Variants in SUCLG1 observed in about 807,000 individuals in gnomAD.
SUCLG1 encodes succinate-CoA ligase GDP/ADP-forming subunit alpha, also known as succinate--CoA ligase [ADP/GDP-forming] subunit alpha, mitochondrial.
SUCLG1 carries 26 observed loss-of-function variants against 37.3 expected under a neutral mutation model. The ratio of observed to expected loss-of-function variants is 0.70; its 90% CI spans 0.51 to 0.97. The LOEUF is 0.97. Among genes scored for constraint, SUCLG1 ranks in the 50% least tolerant of loss-of-function variants. SUCLG1 has a pLI of 0.00. For missense variants in SUCLG1, 433 were observed against 432.9 expected, an observed-to-expected ratio of 1.00 and a Z score of 0.00; for synonymous variants, 163 against 155.6, an observed-to-expected ratio of 1.05 and a Z score of -0.36.
intron 7 of SUCLG1, among the ~76,000 whole-genome samples, chr2:84,429,346 C>T (rs1041456192): frequency 1.3e-5 from 2 of 152,110 alleles, no homozygotes; most frequent in Non-Finnish European, 2.9e-5. Context: ...CAGCACAATG[C>T]TGTATTAACC....
rs1672639529 is a variant in SUCLG1, at chr2:84,433,433, T to C, written c.592A>G (p.Ile198Val). The change falls in exon 6 of 9, where the codon ATT (isoleucine) becomes GTT (valine). Residue 198 changes from isoleucine (I) to valine (V), a missense_variant and splice_region_variant. Ile to Val is a conservative substitution (Grantham distance 29). Transcript: ENST00000393868. ...GTCAGGGTGCCAGATCTGGACACAA[T>C]GCCTTAACGAAAGAGAATTCAAAAA... is the stretch of plus-strand genomic sequence containing the variant. ...GHIHKKGRIG[I>V]VSRSGTLTYE... is the part of the protein sequence containing the mutation. 1.9e-6 allele frequency: 3 copies of C among 1,613,592 alleles called. No individual in the cohort carries two copies. Among genetic ancestry groups the C allele is most frequent in the Middle Eastern group, 1.6e-4 (1 of 6,062 alleles).
intron 5 of SUCLG1, 117 bp from the exon 6 acceptor site, chr2:84,433,552 A>C (rs1416794217): frequency 1.2e-6 from 1 of 840,934 alleles, no homozygotes; most frequent in African/African-American, 1.7e-5. Context: ...TCATTCCATG[A>C]TTTGCCATCA....
Position 84,451,275 on chromosome 2 carries a change from GC to G in SUCLG1, c.98-1524del, listed in dbSNP as rs1672936490. Among the ~76,000 whole-genome samples, 4 of 148,924 alleles carry G rather than the reference GC, an allele frequency of 2.7e-5. No individual in the cohort carries two copies. In the East Asian group the frequency reaches 7.8e-4, roughly 29 times the overall value. On this transcript the variant is annotated intron_variant, in intron 1 of 8. Coordinates refer to ENST00000393868, the MANE Select transcript of SUCLG1 (RefSeq NM_003849.4). ...CCCTCCCATTGCATCTTCAACAAAT[GC>G]TCATATCATATCATATCATATCATA... is the stretch of plus-strand genomic sequence containing the variant.
At chr2:84,452,916 T>C (rs1363577656) in intron 1 of SUCLG1, among the ~76,000 whole-genome samples, 2 of 152,108 alleles carry the variant, frequency 1.3e-5, no homozygotes, top group Non-Finnish European at 2.9e-5. Flanking sequence ...TTTCGGTGAG[T>C]TGGAAAAAGT....
At chr2:84,425,737 A>G (rs1672528188) in intron 7 of SUCLG1, 134 bp from the exon 8 acceptor site, 13 of 953,834 alleles carry the variant, frequency 1.4e-5, no homozygotes, top group Admixed American at 2.0e-5. Flanking sequence ...AGGAAAACCA[A>G]CACAAATATT....
intron 1 of SUCLG1, among the ~76,000 whole-genome samples, chr2:84,457,970 A>G (rs1425318302): frequency 1.3e-5 from 2 of 152,008 alleles, no homozygotes; most frequent in Non-Finnish European, 2.9e-5. Context: ...ACACTCATCA[A>G]TGTACACTTT....
chr2:84,440,380 T>C (rs1672749504), intron 5 of SUCLG1, among the ~76,000 whole-genome samples: 1 of 151,590 alleles, frequency 6.6e-6, no homozygotes, highest in Non-Finnish European at 1.5e-5. Context: ...CTCAAAAAAA[T>C]GAAGACTAAC....
intron 6 of SUCLG1, 73 bp downstream of exon 6, chr2:84,433,279 C>A (rs1208205102): frequency 1.5e-5 from 19 of 1,240,030 alleles, no homozygotes; most frequent in Non-Finnish European, 2.1e-5. Context: ...ATAATAAAAT[C>A]AATAATTATT....
At position 84,456,317 on chromosome 2, in the gene SUCLG1, C is replaced by T. The variant is rs7561831; in HGVS notation, c.97+2856G>A. On this transcript the variant is annotated intron_variant, in intron 1 of 8. Coordinates refer to ENST00000393868, the MANE Select transcript of SUCLG1 (RefSeq NM_003849.4). ...GAAAGGATACTGCAGAGTCAGAAGA[C>T]CTGGGTGCTAGTATCACTTCTGATA... Among the ~76,000 whole-genome samples the T allele has an allele frequency of 2.1e-3, 327 of 152,220 alleles. 4 individuals are homozygous for T. The highest frequency in any genetic ancestry group is 7.6e-3 in the African/African-American group (317 of 41,508).
chr2:84,459,119 C>G (rs1247845079), intron 1 of SUCLG1, 54 bp downstream of exon 1: 2 of 1,509,662 alleles, frequency 1.3e-6, no homozygotes, highest in African/African-American at 2.8e-5. Flanking sequence ...GAGGTTGGGT[C>G]CGGCGGGGCC....
At position 84,434,715 on chromosome 2, in the gene SUCLG1, T is replaced by G. The variant is rs1672659779; in HGVS notation, c.590-1280A>C. On this transcript the variant is annotated intron_variant, in intron 5 of 8. Transcript: ENST00000393868. ...ACCCTACCAGGGCAGGTAGAATTCT[T>G]GTCAACCTGAGACAAAAACCATAAC... Among the ~76,000 whole-genome samples, 3 of 151,838 alleles carry G rather than the reference T, an allele frequency of 2.0e-5. No individual in the cohort carries two copies. In the South Asian group the frequency reaches 6.2e-4, roughly 32 times the overall value.
chr2:84,450,334 G>A (rs951771474), intron 1 of SUCLG1, among the ~76,000 whole-genome samples: 13 of 147,186 alleles, frequency 8.8e-5, no homozygotes, highest in South Asian at 6.6e-4. Context: ...AATCTCTTCT[G>A]ATATGAACTC....
chr2:84,429,521 G>C (rs1241627133), intron 7 of SUCLG1, among the ~76,000 whole-genome samples: 4 of 152,240 alleles, frequency 2.6e-5, no homozygotes, highest in Admixed American at 2.6e-4. Flanking sequence ...GCAGGGCACT[G>C]AAGTTAACAG....
chr2:84,445,258 GTTC>G (rs1006642667), intron 2 of SUCLG1, among the ~76,000 whole-genome samples: 4 of 152,132 alleles, frequency 2.6e-5, no homozygotes, highest in African/African-American at 9.7e-5. Flanking sequence ...CACAATTTAT[GTTC>G]TTCTGCCGTG....
At chr2:84,448,850 ATAAT>A (rs1330385009) in intron 2 of SUCLG1, 1 of 238,274 alleles carries the variant, frequency 4.2e-6, no homozygotes, top group Non-Finnish European at 8.8e-6. Flanking sequence ...ATAATTCTAT[ATAAT>A]AAATACTACA....
At chr2:84,437,160 T>C (rs1401490638) in intron 5 of SUCLG1, among the ~76,000 whole-genome samples, 2 of 152,210 alleles carry the variant, frequency 1.3e-5, no homozygotes, top group African/African-American at 4.8e-5. Context: ...TTGAGAAGAT[T>C]AGGTGGATAA....
At chr2:84,457,320 T>C (rs1673037979) in intron 1 of SUCLG1, among the ~76,000 whole-genome samples, 1 of 152,322 alleles carries the variant, frequency 6.6e-6, no homozygotes, top group East Asian at 1.9e-4. Flanking sequence ...TTGTTGTCTG[T>C]AACCCCTCTT....
chr2:84,425,528 C>T lies in SUCLG1; in HGVS notation c.901G>A (p.Gly301Arg), dbSNP rs1427132683. ...CCTTTTCCTCCAGCAATAATTGCCC[C>T]GGCATGACCCATTCTTCTCCCAGGA... ...APPGRRMGHAGAIIAGGKGGA... is the reference protein window; with the variant it reads ...APPGRRMGHARAIIAGGKGGA... The change falls in exon 8 of 9, where the codon GGG becomes AGG. Residue 301 changes from glycine (G) to arginine (R), a missense_variant. Coordinates refer to ENST00000393868, the MANE Select transcript of SUCLG1 (RefSeq NM_003849.4). The T allele has an allele frequency of 8.7e-6, 14 of 1,614,186 alleles. No homozygotes were observed. Among genetic ancestry groups the T allele is most frequent in the South Asian group, 2.2e-5 (2 of 91,086 alleles).
At chr2:84,426,545 T>C (rs1234422713) in intron 7 of SUCLG1, 1 of 152,072 alleles carries the variant, frequency 6.6e-6, no homozygotes, top group Non-Finnish European at 1.5e-5. Flanking sequence ...CTCGCGCCTG[T>C]AGTCCCAGCT....
Sources: gnomAD v4.1 joint callset for allele counts (sites outside exome capture counted in the v4.1 genomes callset) on GRCh38, gnomAD v4.1.1 for gene constraint, MANE v1.5 for transcripts, NCBI Gene and HGNC (gene_info 2026-07-23, HGNC 2026-07-21) for gene names.